The following PNPLA6 variants were observed in gnomAD, a reference collection of about 807,000 sequenced individuals.
The protein encoded by PNPLA6 is patatin like domain 6, lysophospholipase.
In PNPLA6, 105 loss-of-function variants were observed where a neutral mutation model predicts 153.7. That is an observed-to-expected ratio of 0.68 (90% CI 0.58 to 0.80). The LOEUF is 0.80. Ranked by LOEUF, PNPLA6 falls within the 30% of genes least tolerant of loss-of-function variation. The pLI, the probability that PNPLA6 is intolerant of heterozygous loss-of-function variation, is 0.00. For synonymous variants in PNPLA6, 825 were observed against 822.2 expected, an observed-to-expected ratio of 1.00 and a Z score of -0.06; for missense variants, 1,423 against 1,919.3, an observed-to-expected ratio of 0.74 and a Z score of 4.83.
At position 7,540,897 on chromosome 19, in the gene PNPLA6, T is replaced by G. The variant is rs753629223; in HGVS notation, c.796-26T>G. 6.2e-7 allele frequency: 1 copy of G among 1,612,920 alleles called. No homozygotes were observed. The highest frequency in any genetic ancestry group is 1.1e-5 in the South Asian group (1 of 91,072). ...GGGACTCGCAGCCTCTGCCCTTGTC[T>G]CTCTTCACGCCCTCCCCTCCCCCAG... On this transcript the variant is annotated intron_variant, in intron 6 of 31. Coordinates refer to ENST00000600737, the MANE Select transcript of PNPLA6 (RefSeq NM_001166114.2). The surrounding 1 kb of genome is among the most constrained non-coding windows in gnomAD (Gnocchi z 6.8).
Position 7,541,210 on chromosome 19 carries a change from T to G in PNPLA6, c.925-144T>G. ...TGTCTGCAGCCGCGGACTCCTCCCT[T>G]AGCTGCCTCGCCCCATTTCCCCAGA... is the stretch of plus-strand genomic sequence containing the variant. On this transcript the variant is annotated intron_variant, in intron 7 of 31. Coordinates refer to ENST00000600737, the MANE Select transcript of PNPLA6 (RefSeq NM_001166114.2). This position sits in a 1 kb window ranked among gnomAD's most constrained non-coding sequence, Gnocchi z 5.2. 2 of 1,088,646 alleles carry G rather than the reference T, an allele frequency of 1.8e-6. No homozygotes were observed. Among genetic ancestry groups the G allele is most frequent in the Non-Finnish European group, 2.7e-6 (2 of 733,126 alleles). The allele number at this position is 1,088,646 out of a possible 1,614,324, so 67.4% of individuals were successfully genotyped here.
At chr19:7,559,614 G>A (rs1221712620) in intron 28 of PNPLA6, among the ~76,000 whole-genome samples, 1 of 150,620 alleles carries the variant, frequency 6.6e-6, no homozygotes. Context: ...TGAGGTGGGA[G>A]GATTGCTTGA....
Position 7,554,118 on chromosome 19 carries a change from C to T in PNPLA6, c.2402-91C>T. The T allele has an allele frequency of 2.5e-6, 4 of 1,570,692 alleles. No individual in the cohort carries two copies. The South Asian group carries it at 4.4e-5, about 17-fold the overall frequency. Reference sequence around the variant, plus strand: ...TTTGGGGGGTGGAGGGGAACAGGGCCACAGGGGCGGGGTAATGGGTATTCT... The same window carrying T: ...TTTGGGGGGTGGAGGGGAACAGGGCTACAGGGGCGGGGTAATGGGTATTCT... On this transcript the variant is annotated intron_variant, in intron 19 of 31. Coordinates refer to ENST00000600737, the MANE Select transcript of PNPLA6 (RefSeq NM_001166114.2).
Position 7,553,955 on chromosome 19 carries a change from T to G in PNPLA6, c.2341T>G (p.Cys781Gly). The change falls in exon 19 of 32, where the codon TGT (cysteine) becomes GGT (glycine). Residue 781 changes from cysteine to glycine, a missense_variant. Transcript: ENST00000600737. ...NLATVAILPV[C>G]AEVPMVAFTL... The stretch of plus-strand genomic sequence containing the variant: ...GGCAACTGTGGCAATCCTGCCTGTG[T>G]GTGCTGAGGTCCCCATGGTGGCCTT... 1 of 1,614,122 alleles carries G rather than the reference T, an allele frequency of 6.2e-7. No homozygotes were observed. The highest frequency in any genetic ancestry group is 8.5e-7 in the Non-Finnish European group (1 of 1,180,020).
At position 7,540,114 on chromosome 19, in the gene PNPLA6, C is replaced by A. The variant is rs749967266; in HGVS notation, c.555-35C>A. The A allele has an allele frequency of 1.9e-6, 3 of 1,613,620 alleles. No homozygotes were observed. The East Asian group carries it at 6.7e-5, about 36-fold the overall frequency. ...GGCTGCAGACGTGGGGCCGCCCTGA[C>A]CTCCAGCCTCTGTCGCCCACCGCCT... On this transcript the variant is annotated intron_variant, in intron 4 of 31. Coordinates refer to ENST00000600737, the MANE Select transcript of PNPLA6 (RefSeq NM_001166114.2). This position sits in a 1 kb window ranked among gnomAD's most constrained non-coding sequence, Gnocchi z 6.8.
rs2023592502 is a variant in PNPLA6 at position 7,550,442 on chromosome 19, C to T, written c.1946+13C>T. 2 of 1,611,560 alleles carry T rather than the reference C, an allele frequency of 1.2e-6. No individual in the cohort carries two copies. ...GCGCGCTGTACAGGTGCAGCTCCCA[C>T]CGCGCTGCTCAGGCCCGGCCTAGGG... On this transcript the variant is annotated intron_variant, in intron 15 of 31. Coordinates refer to ENST00000600737, the MANE Select transcript of PNPLA6 (RefSeq NM_001166114.2).
chr19:7,554,478 A>G, intron 20 of PNPLA6, 77 bp from the exon 21 acceptor site: 1 of 1,537,486 alleles, frequency 6.5e-7, no homozygotes, highest in Non-Finnish European at 9.0e-7. Flanking sequence ...TCCTCCCAGC[A>G]ACGGAGCTAT....
chr19:7,536,416 G>A (rs1378504360), intron 2 of PNPLA6, 33 bp from the exon 3 acceptor site: 5 of 1,506,298 alleles, frequency 3.3e-6, no homozygotes, highest in Non-Finnish European at 4.6e-6. Context: ...GTCTGAATTA[G>A]CAATTCACCC....
intron 13 of PNPLA6, among the ~76,000 whole-genome samples, chr19:7,545,582 G>A (rs1293951316): frequency 6.6e-6 from 1 of 152,132 alleles, no homozygotes; most frequent in Non-Finnish European, 1.5e-5. Context: ...CCCAGCATTT[G>A]CCCCATCTCG....
At position 7,554,242 on chromosome 19, in the gene PNPLA6, G is replaced by A. The variant is rs764917659; in HGVS notation, c.2435G>A (p.Arg812Gln). ...PTLLLNSDII[R>Q]ARLGASALDS... ...CTACTCCTTAACAGTGACATCATCC[G>A]GGCACGCCTGGGGGCCTCCGCACTG... Residue 812 changes from arginine to glutamine, a missense_variant, in exon 20 of 32, where the codon CGG (arginine) becomes CAG (glutamine). Transcript: ENST00000600737. 8 of 1,614,092 alleles carry A rather than the reference G, an allele frequency of 5.0e-6. No individual in the cohort carries two copies. The highest frequency in any genetic ancestry group is 6.8e-6 in the Non-Finnish European group (8 of 1,179,966).
In PNPLA6 at chr19:7,550,559, G is replaced by C. The variant is rs1390956063; in HGVS notation, c.1989G>C (p.Gly663=). 5.0e-6 allele frequency: 8 copies of C among 1,613,288 alleles called. No individual in the cohort carries two copies. The highest frequency in any genetic ancestry group is 6.8e-6 in the Non-Finnish European group (8 of 1,179,922). ...RSDCTYIVLN[G]RLRSVIQRGS... ...ACTGCACTTACATCGTGCTCAATGG[G>C]CGGCTGCGTAGCGTGATCCAGCGAG... Residue 663 remains glycine, a synonymous_variant, in exon 16 of 32, where the codon GGG becomes GGC. Coordinates refer to ENST00000600737, the MANE Select transcript of PNPLA6 (RefSeq NM_001166114.2).
chr19:7,552,256 A>T (rs2023683690), intron 18 of PNPLA6, among the ~76,000 whole-genome samples: 1 of 152,218 alleles, frequency 6.6e-6, no homozygotes, highest in South Asian at 2.1e-4. Flanking sequence ...CTGTGGCTTC[A>T]GTGAGCTAGA....
Position 7,542,543 on chromosome 19 carries a change from C to T in PNPLA6, c.1253-18C>T, listed in dbSNP as rs1162234654. The T allele has an allele frequency of 4.4e-6, 7 of 1,588,428 alleles. No individual in the cohort carries two copies. The highest frequency in any genetic ancestry group is 1.1e-5 in the South Asian group (1 of 90,600). ...CTCTCATCTTTATGGTTTTTGTTGC[C>T]CCCCTGCCTGCCTGCAGGCTTGCAG... On this transcript the variant is annotated intron_variant, in intron 10 of 31. Transcript: ENST00000600737.
chr19:7,535,411 G>A, upstream of PNPLA6: 1 of 917,306 alleles, frequency 1.1e-6, no homozygotes, highest in East Asian at 2.6e-5. The surrounding 1 kb of genome is among the most constrained non-coding windows in gnomAD (Gnocchi z 5.0). Context: ...CGCCACCCCA[G>A]AGGGCAGGGC....
chr19:7,550,839 C>T (rs2023611464), intron 16 of PNPLA6, 155 bp from the exon 17 acceptor site: 3 of 889,062 alleles, frequency 3.4e-6, no homozygotes, highest in African/African-American at 1.7e-5. Flanking sequence ...TCCTCTCCCT[C>T]TCCCCAGAGC....
rs768391928 is a variant in PNPLA6, at chr19:7,540,081, G to A, written c.554+23G>A. On this transcript the variant is annotated intron_variant, in intron 4 of 31. Coordinates refer to ENST00000600737, the MANE Select transcript of PNPLA6 (RefSeq NM_001166114.2). This position sits in a 1 kb window ranked among gnomAD's most constrained non-coding sequence, Gnocchi z 6.8. ...CCGGTCAGTGTTGGGGTGCAGGTGG[G>A]GGTGGAGGGCTGCAGACGTGGGGCC... 3 of 1,614,034 alleles carry A rather than the reference G, an allele frequency of 1.9e-6. No homozygotes were observed. Among genetic ancestry groups the A allele is most frequent in the Non-Finnish European group, 2.5e-6 (3 of 1,180,012 alleles).
chr19:7,550,319 T>G lies in PNPLA6; in HGVS notation c.1836T>G (p.Ser612Arg). The change falls in exon 15 of 32, where the codon AGT becomes AGG. Residue 612 changes from serine (S) to arginine (R), a missense_variant. Around this residue, in one of 10 missense-constraint regions of PNPLA6, gnomAD observed 119 missense variants for 163.7 expected, o/e 0.73. Coordinates refer to ENST00000600737, the MANE Select transcript of PNPLA6 (RefSeq NM_001166114.2). ...DFYEIMRAQP[S>R]VVLSAAHTVA... ...GCAGGATCATGCGCGCACAGCCCAG[T>G]GTGGTGCTGAGTGCGGCGCACACGG... 1 of 1,612,832 alleles carries G rather than the reference T, an allele frequency of 6.2e-7. No individual in the cohort carries two copies. The highest frequency in any genetic ancestry group is 8.5e-7 in the Non-Finnish European group (1 of 1,180,028).
chr19:7,537,378 G>A, intron 3 of PNPLA6, among the ~76,000 whole-genome samples: 1 of 152,110 alleles, frequency 6.6e-6, no homozygotes, highest in East Asian at 1.9e-4. Context: ...ACACTAAGGA[G>A]GCTGTCTCAG....
Position 7,540,093 on chromosome 19 carries a change from G to A in PNPLA6, c.554+35G>A. 13 of 1,613,906 alleles carry A rather than the reference G, an allele frequency of 8.1e-6. No homozygotes were observed. Among genetic ancestry groups the A allele is most frequent in the Non-Finnish European group, 1.1e-5 (13 of 1,179,994 alleles). On this transcript the variant is annotated intron_variant, in intron 4 of 31. Coordinates refer to ENST00000600737, the MANE Select transcript of PNPLA6 (RefSeq NM_001166114.2). This position sits in a 1 kb window ranked among gnomAD's most constrained non-coding sequence, Gnocchi z 6.8. ...GGGGTGCAGGTGGGGGTGGAGGGCTGCAGACGTGGGGCCGCCCTGACCTCC... is the reference window on the plus strand; with the variant it reads ...GGGGTGCAGGTGGGGGTGGAGGGCTACAGACGTGGGGCCGCCCTGACCTCC...
Sources: gnomAD v4.1 joint callset for allele counts (sites outside exome capture counted in the v4.1 genomes callset) on GRCh38, gnomAD v4.1.1 for gene constraint, gnomAD v4.1.1 regional missense constraint, Gnocchi (gnomAD v3.1) non-coding constraint, MANE v1.5 for transcripts, NCBI Gene and HGNC (gene_info 2026-07-23, HGNC 2026-07-21) for gene names.